Variants in CCDC158 observed in about 807,000 individuals in gnomAD.
CCDC158 encodes coiled-coil domain-containing protein 158.
In CCDC158, 116 loss-of-function variants were observed where a neutral mutation model predicts 138.6. The observed-to-expected ratio is 0.84, with a 90% CI of 0.72 to 0.98. CCDC158 has a LOEUF of 0.98. Among genes scored for constraint, CCDC158 ranks in the 50% least tolerant of loss-of-function variants. CCDC158 has a pLI of 0.00. For synonymous variants in CCDC158, 436 were observed against 442.4 expected (o/e 0.99, Z 0.18); for missense variants, 1,265 against 1,306.1 (o/e 0.97, Z 0.48).
chr4:76,412,224 T>C (rs1729348195), intron 1 of CCDC158, 92 bp from the exon 2 acceptor site: 1 of 152,244 alleles, frequency 6.6e-6, no homozygotes, highest in Admixed American at 6.5e-5. Context: ...CAAATTCATG[T>C]TCATCACTTA....
At chr4:76,332,951 T>C (rs1721132552) in intron 19 of CCDC158, among the ~76,000 whole-genome samples, 1 of 152,162 alleles carries the variant, frequency 6.6e-6, no homozygotes, top group Admixed American at 6.5e-5. Flanking sequence ...CATGTCAATA[T>C]ATGCCTAAGT....
At chr4:76,416,893 C>T (rs958464591) in intron 1 of CCDC158, among the ~76,000 whole-genome samples, 1 of 152,234 alleles carries the variant, frequency 6.6e-6, no homozygotes, top group Admixed American at 6.5e-5. Flanking sequence ...GGAACCCCCA[C>T]ACAGAGTCCC....
chr4:76,331,761 C>T (rs1478894338), intron 20 of CCDC158, among the ~76,000 whole-genome samples: 1 of 152,056 alleles, frequency 6.6e-6, no homozygotes, highest in African/African-American at 2.4e-5. Flanking sequence ...AAGAGAGATT[C>T]GTGTGACCAC....
At chr4:76,408,482 C>T (rs1180823057) in intron 2 of CCDC158, among the ~76,000 whole-genome samples, 2 of 152,036 alleles carry the variant, frequency 1.3e-5, no homozygotes, top group Non-Finnish European at 2.9e-5. Flanking sequence ...TGATGGTTTC[C>T]AGCTTCATCC....
chr4:76,333,832 T>C (rs1721218726), intron 19 of CCDC158, 178 bp downstream of exon 19: 1 of 417,140 alleles, frequency 2.4e-6, no homozygotes. Flanking sequence ...TTTCTCTTAG[T>C]GTCAAGTTGT....
At chr4:76,340,185 G>A (rs1721916976) in intron 18 of CCDC158, among the ~76,000 whole-genome samples, 1 of 152,186 alleles carries the variant, frequency 6.6e-6, no homozygotes, top group South Asian at 2.1e-4. Flanking sequence ...TGGAATTATG[G>A]GAGCAATGAG....
intron 24 of CCDC158, among the ~76,000 whole-genome samples, chr4:76,318,925 C>T (rs917099469): frequency 6.6e-6 from 1 of 151,676 alleles, no homozygotes; most frequent in Non-Finnish European, 1.5e-5. Context: ...GTCAAGAGTT[C>T]GAGACCAGCC....
At chr4:76,409,872 GTA>G (rs1343057892) in intron 2 of CCDC158, among the ~76,000 whole-genome samples, 1 of 150,962 alleles carries the variant, frequency 6.6e-6, no homozygotes, top group Admixed American at 6.6e-5. Flanking sequence ...TAATATCTGT[GTA>G]TCTATTCTAC....
intron 18 of CCDC158, chr4:76,344,724 C>T: frequency 6.2e-7 from 1 of 1,614,012 alleles, no homozygotes; most frequent in Non-Finnish European, 8.5e-7. Flanking sequence ...TGTGTGGCTA[C>T]ATGACACTCT....
intron 1 of CCDC158, among the ~76,000 whole-genome samples, chr4:76,417,495 C>T (rs1729788812): frequency 6.6e-6 from 1 of 152,038 alleles, no homozygotes; most frequent in Admixed American, 6.5e-5. Flanking sequence ...TTGCCTGTGT[C>T]CCCACCCAAA....
intron 3 of CCDC158, chr4:76,401,511 A>T (rs907447): frequency 0.88 from 196,283 of 222,432 alleles, 86,842 homozygotes; most frequent in South Asian, 0.97. Context: ...AACTAAGAGA[A>T]GCAAGCCCTT....
At chr4:76,324,339 C>T (rs566618815) in intron 23 of CCDC158, among the ~76,000 whole-genome samples, 2 of 152,130 alleles carry the variant, frequency 1.3e-5, no homozygotes, top group East Asian at 3.9e-4. Flanking sequence ...AGGCATGTGC[C>T]ACCACGCCCG....
At chr4:76,344,655 A>T in intron 18 of CCDC158, 1 of 1,607,518 alleles carries the variant, frequency 6.2e-7, no homozygotes, top group Non-Finnish European at 8.5e-7. Flanking sequence ...GCACACAAAG[A>T]CCACACTGCC....
chr4:76,371,379 A>C, intron 10 of CCDC158, 38 bp downstream of exon 10: 3 of 1,586,924 alleles, frequency 1.9e-6, no homozygotes, highest in Non-Finnish European at 2.6e-6. Context: ...AAAACTTCCC[A>C]GAATTAGTCT....
chr4:76,369,529 T>G lies in CCDC158; in HGVS notation c.1244A>C (p.Asp415Ala), dbSNP rs1435845480. 1 of 1,614,016 alleles carries G rather than the reference T, an allele frequency of 6.2e-7. No individual in the cohort carries two copies. Among genetic ancestry groups the G allele is most frequent in the African/African-American group, 1.3e-5 (1 of 74,906 alleles). ...GTTGTCCAGTTCCCGCCGCAGGTGG[T>G]CAATGGTGATGCTGTTGCCTGTGTC... ...DRDTGNSITIDHLRRELDNRN... is the reference protein window; with the variant it reads ...DRDTGNSITIAHLRRELDNRN... The change falls in exon 11 of 25, where the codon GAC becomes GCC. Residue 415 changes from aspartate to alanine, a missense_variant. Asp to Ala is a moderately radical substitution (Grantham distance 126). Coordinates refer to ENST00000682701, the MANE Select transcript of CCDC158 (RefSeq NM_001394954.1).
intron 9 of CCDC158, among the ~76,000 whole-genome samples, chr4:76,372,556 A>C (rs977674994): frequency 6.6e-6 from 1 of 152,236 alleles, no homozygotes; most frequent in Non-Finnish European, 1.5e-5. Context: ...TCGGTAATAA[A>C]AGGCATTGAA....
intron 3 of CCDC158, chr4:76,401,121 AT>A (rs144195831): frequency 0.022 from 4,603 of 210,070 alleles, 224 homozygotes; most frequent in African/African-American, 0.1. Flanking sequence ...TCAAAAAGTG[AT>A]TTTTGATATG....
intron 24 of CCDC158, among the ~76,000 whole-genome samples, chr4:76,322,100 T>C (rs1720074239): frequency 6.6e-6 from 1 of 151,770 alleles, no homozygotes; most frequent in Non-Finnish European, 1.5e-5. Flanking sequence ...AAAGAACTTT[T>C]CCCTGTAACT....
intron 4 of CCDC158, among the ~76,000 whole-genome samples, chr4:76,394,754 T>C (rs1328636608): frequency 6.6e-6 from 1 of 151,756 alleles, no homozygotes; most frequent in South Asian, 2.1e-4. Context: ...CATAAATATA[T>C]ATACCTTTTT....
Sources: gnomAD v4.1 joint callset for allele counts (sites outside exome capture counted in the v4.1 genomes callset) on GRCh38, gnomAD v4.1.1 for gene constraint, MANE v1.5 for transcripts, NCBI Gene and HGNC (gene_info 2026-07-23, HGNC 2026-07-21) for gene names.